Variants in SLC30A5 observed in about 807,000 individuals in gnomAD.
SLC30A5 encodes the protein proton-coupled zinc antiporter SLC30A5.
In SLC30A5, 33 loss-of-function variants were observed where a neutral mutation model predicts 79.6. That is an observed-to-expected ratio of 0.41 (90% CI 0.31 to 0.55). SLC30A5 has a LOEUF of 0.55. SLC30A5 is among the 20% of genes least tolerant of loss of function. The pLI is 0.20. For synonymous variants in SLC30A5, 299 were observed against 319.7 expected (o/e 0.94, Z 0.69); for missense variants, 788 against 928.1 (o/e 0.85, Z 1.96).
chr5:69,129,853 G>A lies in SLC30A5; in HGVS notation c.*236G>A, dbSNP rs1172123902. 6.0e-6 allele frequency: 2 copies of A among 333,258 alleles called. No individual in the cohort carries two copies. The highest frequency in any genetic ancestry group is 1.1e-5 in the Non-Finnish European group (2 of 184,408). The allele number at this position is 333,258 out of a possible 1,614,324, so 20.6% of individuals were successfully genotyped here. Reference sequence around the variant, plus strand: ...AAGGAATCAAATTTTGAGTAAACATGATGTATTACATCATCTTCAAAAATA... The same window carrying A: ...AAGGAATCAAATTTTGAGTAAACATAATGTATTACATCATCTTCAAAAATA... On this transcript the variant is annotated 3_prime_UTR_variant, in exon 16 of 16. Transcript: ENST00000396591.
chr5:69,112,066 G>A (rs1326209941), intron 5 of SLC30A5, among the ~76,000 whole-genome samples: 5 of 152,092 alleles, frequency 3.3e-5, no homozygotes, highest in Admixed American at 6.6e-5. Context: ...TTGGGAGACC[G>A]AGGCGGGTGG....
In SLC30A5 at chr5:69,129,518, A is replaced by G. The variant is rs113126211; in HGVS notation, c.2199A>G (p.Gln733=). Residue 733 remains glutamine, a synonymous_variant, in exon 16 of 16, where the codon CAA becomes CAG. Transcript: ENST00000396591. ...TIQVEKEAYF[Q]HMSGLSTGFH... is the part of the protein sequence containing the mutation. The stretch of plus-strand genomic sequence containing the variant: ...AAGTGGAAAAGGAGGCATACTTTCA[A>G]CATATGTCTGGCCTAAGTACTGGAT... 64 of 1,613,700 alleles carry G rather than the reference A, an allele frequency of 4.0e-5. No homozygotes were observed. In the African/African-American group the frequency reaches 7.2e-4, roughly 18 times the overall value.
intron 4 of SLC30A5, among the ~76,000 whole-genome samples, chr5:69,106,172 A>G (rs1022182677): frequency 2.6e-5 from 4 of 152,124 alleles, no homozygotes; most frequent in Non-Finnish European, 5.9e-5. Flanking sequence ...TTTGTCATGT[A>G]CTTTGTCAGA....
At position 69,115,987 on chromosome 5, in the gene SLC30A5, T is replaced by C; in HGVS notation, c.845T>C (p.Met282Thr). Residue 282 changes from methionine to threonine, a missense_variant, in exon 9 of 16, where the codon ATG becomes ACG. Physicochemically the swap from Met to Thr is moderately conservative, Grantham distance 81 (BLOSUM62 -1). Transcript: ENST00000396591. ...MPFATVIFFV[M>T]ILDFYVDSIC... is the part of the protein sequence containing the mutation. The stretch of plus-strand genomic sequence containing the variant: ...TTTGCAACGGTTATCTTTTTTGTCA[T>C]GATCCTGGATTTCTACGTGGATTCC... 3.1e-6 allele frequency: 5 copies of C among 1,614,156 alleles called. No homozygotes were observed. Among genetic ancestry groups the C allele is most frequent in the Non-Finnish European group, 4.2e-6 (5 of 1,179,990 alleles).
intron 5 of SLC30A5, among the ~76,000 whole-genome samples, chr5:69,111,559 C>T (rs1746234776): frequency 6.6e-6 from 1 of 152,118 alleles, no homozygotes; most frequent in African/African-American, 2.4e-5. Context: ...CCGCCTCGGC[C>T]TCCCAAAGTG....
At chr5:69,097,334 C>G (rs990671798) in intron 1 of SLC30A5, among the ~76,000 whole-genome samples, 1 of 152,170 alleles carries the variant, frequency 6.6e-6, no homozygotes, top group Non-Finnish European at 1.5e-5. Flanking sequence ...CCAGGATGGT[C>G]TCGATCTCCT....
At chr5:69,099,495 A>G (rs1185885720) in intron 1 of SLC30A5, among the ~76,000 whole-genome samples, 1 of 152,210 alleles carries the variant, frequency 6.6e-6, no homozygotes, top group Non-Finnish European at 1.5e-5. Flanking sequence ...TGACTCCTAT[A>G]GTGGTTGAGG....
chr5:69,114,443 C>G lies in SLC30A5; in HGVS notation c.559C>G (p.Leu187Val). ...AGCTGAAGGACATCATGACAGTGCTCTAACTCATATGCTTTACACAGCCAT... is the reference window on the plus strand; with the variant it reads ...AGCTGAAGGACATCATGACAGTGCTGTAACTCATATGCTTTACACAGCCAT... The part of the protein sequence containing the change: ...EHPEGHHDSA[L>V]THMLYTAIAF... The change falls in exon 7 of 16, where the codon CTA becomes GTA. Residue 187 changes from leucine (L) to valine (V), a missense_variant. Leu to Val is a conservative substitution (Grantham distance 32). Around this residue, in one of 3 missense-constraint regions of SLC30A5, gnomAD observed 626 missense variants for 755.5 expected, o/e 0.83. Transcript: ENST00000396591. The G allele has an allele frequency of 1.9e-6, 3 of 1,610,944 alleles. No homozygotes were observed. Among genetic ancestry groups the G allele is most frequent in the Non-Finnish European group, 2.5e-6 (3 of 1,177,602 alleles).
At chr5:69,098,329 G>A (rs990166395) in intron 1 of SLC30A5, among the ~76,000 whole-genome samples, 1 of 152,144 alleles carries the variant, frequency 6.6e-6, no homozygotes, top group South Asian at 2.1e-4. Flanking sequence ...TATGAGACCA[G>A]CCTGGCCAAC....
intron 11 of SLC30A5, among the ~76,000 whole-genome samples, chr5:69,117,913 C>T (rs560687267): frequency 1.0e-3 from 154 of 148,446 alleles, no homozygotes; most frequent in African/African-American, 3.7e-3. Flanking sequence ...CGGTGGCTCA[C>T]GCCTGTAATC....
chr5:69,100,832 T>A lies in SLC30A5; in HGVS notation c.109T>A (p.Cys37Ser), dbSNP rs903626041. ...ATTAACAAAATATATTGTGTTACTA[T>A]GTTTCACTAAATTTTTGAAGGCTGT... Reference protein sequence around the residue: ...ARLTKYIVLLCFTKFLKAVGL... With the variant: ...ARLTKYIVLLSFTKFLKAVGL... Residue 37 changes from cysteine (C) to serine (S), a missense_variant, in exon 2 of 16, where the codon TGT becomes AGT. Transcript: ENST00000396591. 1 of 1,603,966 alleles carries A rather than the reference T, an allele frequency of 6.2e-7. No individual in the cohort carries two copies. Among genetic ancestry groups the A allele is most frequent in the Non-Finnish European group, 8.5e-7 (1 of 1,171,788 alleles).
rs1389469049 is a variant in SLC30A5, at chr5:69,116,700, T to C, written c.1281+98T>C. 2 of 742,828 alleles carry C rather than the reference T, an allele frequency of 2.7e-6. No homozygotes were observed. Among genetic ancestry groups the C allele is most frequent in the Non-Finnish European group, 3.9e-6 (2 of 509,136 alleles). 46.0% of individuals were successfully genotyped at this position (742,828 alleles called of 1,614,324 possible). A position where few individuals can be genotyped will look rare whatever the true frequency, so the allele number is the denominator to read the frequency against. On this transcript the variant is annotated intron_variant, in intron 10 of 15. Transcript: ENST00000396591. This position sits in a 1 kb window ranked among gnomAD's most constrained non-coding sequence, Gnocchi z 4.0. ...TTAGTACTTCCCAAATTTCTGATAA[T>C]AAGATGAGCTAAAATTTAAATTTTT...
chr5:69,096,222 C>T (rs950882836), intron 1 of SLC30A5, among the ~76,000 whole-genome samples: 1 of 152,198 alleles, frequency 6.6e-6, no homozygotes, highest in Non-Finnish European at 1.5e-5. Context: ...AAAAATACCT[C>T]TGTGTGTGCA....
rs1326912435 is a variant in SLC30A5, at chr5:69,113,223, A to G, written c.531A>G (p.Glu177=). 1.2e-6 allele frequency: 2 copies of G among 1,612,288 alleles called. No individual in the cohort carries two copies. The highest frequency in any genetic ancestry group is 2.7e-5 in the African/African-American group (2 of 74,866). ...DNDDLMAKMA[E]HPEGHHDSAL... Reference sequence around the variant, plus strand: ...ATGATCTCATGGCTAAAATGGCTGAACACCGTATCCTTTTGGAATAGATCA... The same window carrying G: ...ATGATCTCATGGCTAAAATGGCTGAGCACCGTATCCTTTTGGAATAGATCA... Residue 177 remains glutamate (E), a synonymous_variant, in exon 6 of 16, where the codon GAA becomes GAG. Transcript: ENST00000396591.
rs397840868 is a variant in SLC30A5 at position 69,100,937 on chromosome 5, T to TGGG, written c.206+15_206+17dup. The TGGG allele has an allele frequency of 4.9e-6, 7 of 1,415,466 alleles. No individual in the cohort carries two copies. The South Asian group carries it at 6.9e-5, about 14-fold the overall frequency. The allele number at this position is 1,415,466 out of a possible 1,614,324, so 87.7% of individuals were successfully genotyped here. Reference sequence around the variant, plus strand: ...TTTTATATTAAAACTTGGGTGAGTGTGGGGGGGGGTTTTTTCTTGATATTT... The same window carrying TGGG: ...TTTTATATTAAAACTTGGGTGAGTGTGGGGGGGGGGGGTTTTTTCTTGATATTT... On this transcript the variant is annotated intron_variant, in intron 2 of 15. Coordinates refer to ENST00000396591, the MANE Select transcript of SLC30A5 (RefSeq NM_022902.5).
intron 15 of SLC30A5, among the ~76,000 whole-genome samples, chr5:69,128,963 T>C (rs1179082413): frequency 6.6e-6 from 1 of 152,162 alleles, no homozygotes; most frequent in Non-Finnish European, 1.5e-5. Flanking sequence ...TTCGAAGATT[T>C]ATCTTGGACT....
chr5:69,096,231 C>T (rs1360549479), intron 1 of SLC30A5, among the ~76,000 whole-genome samples: 3 of 152,128 alleles, frequency 2.0e-5, no homozygotes, highest in Non-Finnish European at 4.4e-5. Context: ...TCTGTGTGTG[C>T]ATTCAGAGGG....
At chr5:69,100,384 G>A (rs988667954) in intron 1 of SLC30A5, among the ~76,000 whole-genome samples, 4 of 152,040 alleles carry the variant, frequency 2.6e-5, no homozygotes, top group African/African-American at 9.7e-5. Flanking sequence ...CTGCTACCAC[G>A]CACCATAATG....
At chr5:69,097,118 T>C (rs1040674464) in intron 1 of SLC30A5, among the ~76,000 whole-genome samples, 5 of 135,540 alleles carry the variant, frequency 3.7e-5, no homozygotes, top group Admixed American at 7.3e-5. Flanking sequence ...TCTTTTTTTT[T>C]TTTTTTTTTT....
Sources: allele counts gnomAD v4.1 joint callset (sites outside exome capture counted in the v4.1 genomes callset), GRCh38; gene constraint gnomAD v4.1.1; regional missense constraint gnomAD v4.1.1; non-coding constraint Gnocchi (gnomAD v3.1); transcripts MANE v1.5; gene names NCBI Gene and HGNC (gene_info 2026-07-23, HGNC 2026-07-21).